Variants in CFAP298 observed in about 807,000 individuals in gnomAD.
The protein encoded by CFAP298 is cilia and flagella associated protein 298.
Under a neutral mutation model 41.0 loss-of-function variants are expected in CFAP298, and 38 were observed. The observed-to-expected ratio is 0.93, with a 90% CI of 0.72 to 1.22. The LOEUF is 1.22. Among genes scored for constraint, CFAP298 ranks in the 50% most tolerant of loss-of-function variants. The pLI, the probability that CFAP298 is intolerant of heterozygous loss-of-function variation, is 0.00. For synonymous variants in CFAP298, 137 were observed against 135.3 expected, an observed-to-expected ratio of 1.01 and a Z score of -0.09; for missense variants, 348 against 360.3, an observed-to-expected ratio of 0.97 and a Z score of 0.28.
chr21:32,600,878 T>C lies in CFAP298; in HGVS notation c.*985A>G, dbSNP rs998118906. Among the ~76,000 whole-genome samples the C allele has an allele frequency of 2.0e-5, 3 of 152,198 alleles. No individual in the cohort carries two copies. The highest frequency in any genetic ancestry group is 6.5e-5 in the Admixed American group (1 of 15,282). ...GAGAAGCTGAGAAACTCCAGAAGAATTTAAGTTTCAAAGTCAGATGAGTTT... is the reference window on the plus strand; with the variant it reads ...GAGAAGCTGAGAAACTCCAGAAGAACTTAAGTTTCAAAGTCAGATGAGTTT... On this transcript the variant is annotated 3_prime_UTR_variant, in exon 7 of 7. Transcript: ENST00000290155.
Position 32,603,421 on chromosome 21 carries a change from G to C in CFAP298, c.535-129C>G, listed in dbSNP as rs111939725. On this transcript the variant is annotated intron_variant, in intron 4 of 6. Coordinates refer to ENST00000290155, the MANE Select transcript of CFAP298 (RefSeq NM_021254.4). ...GCTCACCATGGGAGGCCTGACTCCC[G>C]CACCTCACTCTAAGTCCTTGCTGAC... The C allele has an allele frequency of 1.4e-3, 1,236 of 884,650 alleles. 8 individuals are homozygous for C. In the African/African-American group the frequency reaches 0.016, roughly 11 times the overall value. 54.8% of individuals were successfully genotyped at this position (884,650 alleles called of 1,614,324 possible). A position where few individuals can be genotyped will look rare whatever the true frequency, so the allele number is the denominator to read the frequency against.
chr21:32,599,856 G>A lies in CFAP298; in HGVS notation c.*2007C>T, dbSNP rs962407375. ...CTTTTGAGGCAGACAAGGGCAGGGAGAGAGGATGGTTCTTCTCGCATGGGT... is the reference window on the plus strand; with the variant it reads ...CTTTTGAGGCAGACAAGGGCAGGGAAAGAGGATGGTTCTTCTCGCATGGGT... On this transcript the variant is annotated 3_prime_UTR_variant, in exon 7 of 7. Coordinates refer to ENST00000290155, the MANE Select transcript of CFAP298 (RefSeq NM_021254.4). Among the ~76,000 whole-genome samples, 1 of 152,220 alleles carries A rather than the reference G, an allele frequency of 6.6e-6. No homozygotes were observed. The highest frequency in any genetic ancestry group is 6.5e-5 in the Admixed American group (1 of 15,278).
At chr21:32,608,171 T>A (rs1170824564) in intron 2 of CFAP298, among the ~76,000 whole-genome samples, 1 of 132,536 alleles carries the variant, frequency 7.5e-6, no homozygotes, top group African/African-American at 3.0e-5. Context: ...CTGTAGCCCA[T>A]AATTTGGTGA....
chr21:32,602,350 T>C lies in CFAP298; in HGVS notation c.684A>G (p.Pro228=). Residue 228 remains proline (P), a synonymous_variant, in exon 6 of 7, where the codon CCA becomes CCG. Coordinates refer to ENST00000290155, the MANE Select transcript of CFAP298 (RefSeq NM_021254.4). The part of the protein sequence containing the change: ...AKIQQRGQGA[P]AREPIISSEE... ...CACTGCTAATAATAGGCTCTCGGGC[T>C]GGAGCTCCCTGTCCCCTCTGCAAAG... The C allele has an allele frequency of 3.1e-6, 5 of 1,613,532 alleles. No individual in the cohort carries two copies. In the South Asian group the frequency reaches 5.5e-5, roughly 18 times the overall value.
chr21:32,611,532 C>T (rs1370377877), intron 1 of CFAP298, among the ~76,000 whole-genome samples: 1 of 151,744 alleles, frequency 6.6e-6, no homozygotes, highest in Non-Finnish European at 1.5e-5. Flanking sequence ...ATGGACAGCA[C>T]AGATGGGGGC....
intron 2 of CFAP298, among the ~76,000 whole-genome samples, chr21:32,607,971 A>T (rs1298364653): frequency 6.6e-6 from 1 of 152,202 alleles, no homozygotes; most frequent in East Asian, 1.9e-4. Context: ...GTCGTTGGGT[A>T]AACAGGGCCG....
rs994713364 is a variant in CFAP298, at chr21:32,603,977, A to G, written c.534+148T>C. The stretch of plus-strand genomic sequence containing the variant: ...ACCCACTCTCAGGGGCTGCTCCTGA[A>G]TTCAGAACTCTGCTCTGAAGCAGGG... On this transcript the variant is annotated intron_variant, in intron 4 of 6. Transcript: ENST00000290155. The G allele has an allele frequency of 8.0e-6, 6 of 745,364 alleles. No homozygotes were observed. In the Admixed American group the frequency reaches 8.3e-5, roughly 10 times the overall value. The allele number at this position is 745,364 out of a possible 1,614,324, so 46.2% of individuals were successfully genotyped here. A position where few individuals can be genotyped will look rare whatever the true frequency, so the allele number is the denominator to read the frequency against.
chr21:32,611,102 G>A (rs1333006709), intron 1 of CFAP298, among the ~76,000 whole-genome samples: 1 of 151,478 alleles, frequency 6.6e-6, no homozygotes, highest in Admixed American at 6.6e-5. Context: ...TCAGGCGTTC[G>A]AGACCAGCCT....
intron 2 of CFAP298, among the ~76,000 whole-genome samples, chr21:32,609,326 G>A (rs534443310): frequency 3.9e-5 from 6 of 152,260 alleles, no homozygotes; most frequent in Admixed American, 3.3e-4. Flanking sequence ...CATCTGGTTC[G>A]TCGAATACAT....
chr21:32,600,776 G>A lies in CFAP298; in HGVS notation c.*1087C>T, dbSNP rs191902024. On this transcript the variant is annotated 3_prime_UTR_variant, in exon 7 of 7. Transcript: ENST00000290155. ...CGAAGCTGGCCTAGAATCAGACCCCGCATCCATAGGGAGAAATCATCACCC... is the reference window on the plus strand; with the variant it reads ...CGAAGCTGGCCTAGAATCAGACCCCACATCCATAGGGAGAAATCATCACCC... 4.6e-5 allele frequency among the ~76,000 whole-genome samples: 7 copies of A among 152,312 alleles called. No homozygotes were observed. Among genetic ancestry groups the A allele is most frequent in the East Asian group, 1.9e-4 (1 of 5,182 alleles).
chr21:32,612,063 G>A (rs1013798821), intron 1 of CFAP298, 42 bp downstream of exon 1: 43 of 1,492,512 alleles, frequency 2.9e-5, no homozygotes, highest in Non-Finnish European at 3.8e-5. Context: ...TCCCACGCCG[G>A]TCTCTCGATC....
At chr21:32,603,355 A>C in intron 4 of CFAP298, 63 bp from the exon 5 acceptor site, 2 of 1,573,786 alleles carry the variant, frequency 1.3e-6, no homozygotes, top group East Asian at 4.5e-5. Flanking sequence ...AGCCCAGCTG[A>C]GCCCCTCCCA....
chr21:32,605,193 A>C (rs1354614584), intron 3 of CFAP298, among the ~76,000 whole-genome samples: 2 of 152,142 alleles, frequency 1.3e-5, no homozygotes, highest in Non-Finnish European at 2.9e-5. Context: ...AAAAGAACAG[A>C]CCTAGTTGGA....
intron 2 of CFAP298, 87 bp from the exon 3 acceptor site, chr21:32,607,803 G>C: frequency 1.3e-6 from 1 of 792,724 alleles, no homozygotes; most frequent in Non-Finnish European, 2.1e-6. Flanking sequence ...GTCTGAGTCA[G>C]GGGGTAAATG....
rs549088543 is a variant in CFAP298 at position 32,600,936 on chromosome 21, G to A, written c.*927C>T. ...AACCTTCATCATGGTTGTAGCTTTC[G>A]CTCCCAGAATACAAGGCCAGAGAGG... On this transcript the variant is annotated 3_prime_UTR_variant, in exon 7 of 7. Transcript: ENST00000290155. Among the ~76,000 whole-genome samples, 3 of 152,190 alleles carry A rather than the reference G, an allele frequency of 2.0e-5. No individual in the cohort carries two copies. The highest frequency in any genetic ancestry group is 1.9e-4 in the East Asian group (1 of 5,182).
rs1443736601 is a variant in CFAP298, at chr21:32,600,807, C to T, written c.*1056G>A. 2.0e-5 allele frequency among the ~76,000 whole-genome samples: 3 copies of T among 152,164 alleles called. No individual in the cohort carries two copies. Among genetic ancestry groups the T allele is most frequent in the South Asian group, 2.1e-4 (1 of 4,824 alleles). On this transcript the variant is annotated 3_prime_UTR_variant, in exon 7 of 7. Transcript: ENST00000290155. ...ATAGGGAGAAATCATCACCCTCTAC[C>T]GGGATCTGGATTTGTTTTCAGGATC...
chr21:32,604,037 C>A, intron 4 of CFAP298, 88 bp downstream of exon 4: 1 of 1,330,186 alleles, frequency 7.5e-7, no homozygotes, highest in Non-Finnish European at 1.1e-6. Flanking sequence ...GGGAGCAAAA[C>A]ACTACATCCA....
intron 5 of CFAP298, 74 bp from the exon 6 acceptor site, chr21:32,602,441 GT>G: frequency 6.5e-7 from 1 of 1,545,160 alleles, no homozygotes; most frequent in South Asian, 1.2e-5. Context: ...TACAACAAAT[GT>G]TTTACGATTG....
chr21:32,611,607 C>T (rs1260685967), intron 1 of CFAP298, among the ~76,000 whole-genome samples: 2 of 151,680 alleles, frequency 1.3e-5, no homozygotes, highest in African/African-American at 2.4e-5. Flanking sequence ...GGTAGGGAGA[C>T]GGCGCCGCAA....
Sources: gnomAD v4.1 joint callset for allele counts (sites outside exome capture counted in the v4.1 genomes callset) on GRCh38, gnomAD v4.1.1 for gene constraint, MANE v1.5 for transcripts, NCBI Gene and HGNC (gene_info 2026-07-23, HGNC 2026-07-21) for gene names.